Variants in SMARCC1 observed in about 807,000 individuals in gnomAD.
The protein encoded by SMARCC1 is SWI/SNF complex subunit SMARCC1.
A neutral mutation model predicts 147.4 loss-of-function variants in SMARCC1; 43 were observed. The ratio of observed to expected loss-of-function variants is 0.29; its 90% CI spans 0.23 to 0.38. The LOEUF (loss-of-function observed/expected upper bound fraction) is 0.38. Ranked by LOEUF, SMARCC1 falls within the 10% of genes least tolerant of loss-of-function variation. The probability of loss-of-function intolerance (pLI) is 1.00; values close to 1 mark genes in which losing one functional copy is unlikely to be tolerated. For synonymous variants in SMARCC1, 495 were observed against 484.4 expected (o/e 1.02, Z -0.29); for missense variants, 1,119 against 1,381.1 (o/e 0.81, Z 3.01).
At chr3:47,611,906 C>T (rs143811336) in intron 25 of SMARCC1, among the ~76,000 whole-genome samples, 432 of 152,246 alleles carry the variant, frequency 2.8e-3, no homozygotes, top group African/African-American at 8.5e-3. Flanking sequence ...AGCTTATGTC[C>T]TGGATTTTGG....
chr3:47,626,458 TAAAAAA>T (rs67479695), intron 24 of SMARCC1, among the ~76,000 whole-genome samples: 1 of 117,790 alleles, frequency 8.5e-6, no homozygotes, highest in Non-Finnish European at 1.7e-5. Flanking sequence ...ACCCTGTCTT[TAAAAAA>T]AAAAAAAAAA....
At chr3:47,629,969 T>C (rs1438937106) in intron 24 of SMARCC1, among the ~76,000 whole-genome samples, 4 of 151,634 alleles carry the variant, frequency 2.6e-5, no homozygotes, top group African/African-American at 9.7e-5. Context: ...CTGGCAACAG[T>C]GGTGACCAGG....
intron 18 of SMARCC1, among the ~76,000 whole-genome samples, chr3:47,670,927 T>C (rs2033487548): frequency 6.6e-6 from 1 of 151,882 alleles, no homozygotes; most frequent in Admixed American, 6.6e-5. Flanking sequence ...AGCTCCTGCC[T>C]GTAATCTCAG....
chr3:47,767,257 G>A (rs1382866154), intron 2 of SMARCC1, among the ~76,000 whole-genome samples: 1 of 64,410 alleles, frequency 1.6e-5, no homozygotes, highest in African/African-American at 5.8e-5. Context: ...TTTTTTTTTT[G>A]AGATGGAGTT....
intron 21 of SMARCC1, among the ~76,000 whole-genome samples, chr3:47,661,056 C>T (rs2033339294): frequency 6.6e-6 from 1 of 152,108 alleles, no homozygotes; most frequent in Admixed American, 6.5e-5. Flanking sequence ...CCTGGATCTA[C>T]AAACAGCAAC....
At chr3:47,608,889 C>G (rs2032521969) in intron 26 of SMARCC1, among the ~76,000 whole-genome samples, 1 of 146,880 alleles carries the variant, frequency 6.8e-6, no homozygotes, top group African/African-American at 2.5e-5. Context: ...GAATTTGAAC[C>G]TGAGCAATCC....
chr3:47,724,555 A>G (rs886884273), intron 6 of SMARCC1, among the ~76,000 whole-genome samples: 2 of 152,232 alleles, frequency 1.3e-5, no homozygotes, highest in Non-Finnish European at 2.9e-5. Flanking sequence ...AAGTTTTCTT[A>G]GAACATTATG....
chr3:47,591,774 A>C (rs2032187468), intron 26 of SMARCC1, among the ~76,000 whole-genome samples: 2 of 151,958 alleles, frequency 1.3e-5, no homozygotes, highest in African/African-American at 2.4e-5. Context: ...TGAACTCCTG[A>C]GCTCAGGCAG....
At chr3:47,637,649 T>A (rs1024597522) in intron 22 of SMARCC1, among the ~76,000 whole-genome samples, 5 of 151,640 alleles carry the variant, frequency 3.3e-5, no homozygotes, top group African/African-American at 4.8e-5. Context: ...AAAACGGAGG[T>A]TGCAGTGAGC....
intron 6 of SMARCC1, among the ~76,000 whole-genome samples, chr3:47,726,805 A>T (rs1254665026): frequency 1.3e-5 from 2 of 152,220 alleles, no homozygotes; most frequent in East Asian, 3.8e-4. Context: ...TATATTCAGT[A>T]TCAATGAATT....
chr3:47,742,048 G>C lies in SMARCC1; in HGVS notation c.401+3860C>G, dbSNP rs144043055. 3.9e-3 allele frequency among the ~76,000 whole-genome samples: 595 copies of C among 152,018 alleles called. 1 individual carries two copies. Among genetic ancestry groups the C allele is most frequent in the Non-Finnish European group, 6.5e-3 (439 of 68,008 alleles). ...TTGGTTCTATTGTTGTCTTGCCTTTGGCTCAGTGCATTTTTGTTTTTCCTT... is the reference window on the plus strand; with the variant it reads ...TTGGTTCTATTGTTGTCTTGCCTTTCGCTCAGTGCATTTTTGTTTTTCCTT... On this transcript the variant is annotated intron_variant, in intron 3 of 27. Coordinates refer to ENST00000254480, the MANE Select transcript of SMARCC1 (RefSeq NM_003074.4).
At chr3:47,738,199 G>T in intron 3 of SMARCC1, 89 bp from the exon 4 acceptor site, 1 of 756,224 alleles carries the variant, frequency 1.3e-6, no homozygotes, top group Non-Finnish European at 2.1e-6. Context: ...AAATGAGTTA[G>T]AAAGATTTGA....
rs771191211 is a variant in SMARCC1, at chr3:47,618,380, T to TA, written c.2781+3826dup. On this transcript the variant is annotated intron_variant, in intron 25 of 27. Coordinates refer to ENST00000254480, the MANE Select transcript of SMARCC1 (RefSeq NM_003074.4). ...AACATGGCAAGATCTTGTCAATATT[T>TA]AAAAAAAAAAAAAAAATTAGCTGGG... 7.4e-3 allele frequency among the ~76,000 whole-genome samples: 1,024 copies of TA among 137,984 alleles called. 15 individuals carry two copies. The highest frequency in any genetic ancestry group is 0.022 in the African/African-American group (843 of 37,652). The allele number at this position is 137,984 out of a possible 152,430, so 90.5% of individuals were successfully genotyped here. A position where few individuals can be genotyped will look rare whatever the true frequency, so the allele number is the denominator to read the frequency against.
chr3:47,609,961 G>C, intron 26 of SMARCC1, 105 bp downstream of exon 26: 1 of 1,229,398 alleles, frequency 8.1e-7, no homozygotes. Context: ...TGAAAATTTT[G>C]AGCAGTCTTC....
chr3:47,735,664 GA>G (rs1228298814), intron 5 of SMARCC1, among the ~76,000 whole-genome samples: 10 of 152,202 alleles, frequency 6.6e-5, no homozygotes, highest in African/African-American at 2.4e-4. Flanking sequence ...TGAGGCACGA[GA>G]ATCACTTGAA....
intron 5 of SMARCC1, among the ~76,000 whole-genome samples, chr3:47,733,443 A>G (rs528069565): frequency 6.6e-6 from 1 of 152,110 alleles, no homozygotes; most frequent in East Asian, 1.9e-4. Context: ...GGGGCAGTGG[A>G]GCACACCTGT....
intron 14 of SMARCC1, among the ~76,000 whole-genome samples, chr3:47,683,441 C>T (rs889262216): frequency 1.3e-5 from 2 of 152,160 alleles, no homozygotes; most frequent in Non-Finnish European, 2.9e-5. Context: ...GGATCACTGA[C>T]TATATTCTTT....
In SMARCC1 at chr3:47,587,362, A is replaced by T. The variant is rs184244711; in HGVS notation, c.*847T>A. ...CTTTCCAGGCTAGTTGAGGAAACTA[A>T]GGAATGCCTCCCAATATTCCAACCC... is the stretch of plus-strand genomic sequence containing the variant. On this transcript the variant is annotated 3_prime_UTR_variant, in exon 28 of 28. Transcript: ENST00000254480. 713 of 152,354 alleles carry T rather than the reference A, an allele frequency of 4.7e-3. 8 individuals are homozygous for T. Among genetic ancestry groups the T allele is most frequent in the Middle Eastern group, 6.8e-3 (2 of 294 alleles). 9.4% of individuals were successfully genotyped at this position (152,354 alleles called of 1,614,324 possible).
chr3:47,680,212 A>G, intron 15 of SMARCC1: 1 of 435,286 alleles, frequency 2.3e-6, no homozygotes, highest in Non-Finnish European at 4.1e-6. Context: ...ACAGAGTGAG[A>G]CCCTGTCTCA....
Sources: gnomAD v4.1 joint callset for allele counts (sites outside exome capture counted in the v4.1 genomes callset) on GRCh38, gnomAD v4.1.1 for gene constraint, MANE v1.5 for transcripts, NCBI Gene and HGNC (gene_info 2026-07-23, HGNC 2026-07-21) for gene names.